The following C4orf50 variants were observed in gnomAD, a reference collection of about 807,000 sequenced individuals.
The protein encoded by C4orf50 is chromosome 4 open reading frame 50, also known as uncharacterized protein C4orf50.
Under a neutral mutation model 77.2 loss-of-function variants are expected in C4orf50, and 80 were observed. The observed-to-expected ratio is 1.04, with a 90% CI of 0.87 to 1.25. The LOEUF (loss-of-function observed/expected upper bound fraction) is 1.25. C4orf50 is among the 50% of genes most tolerant of loss of function. C4orf50 has a pLI of 0.00. For synonymous variants in C4orf50, 532 were observed against 465.3 expected (o/e 1.14, Z -1.84); for missense variants, 1,257 against 1,152.9 (o/e 1.09, Z -1.31).
At chr4:5,976,680 T>C (rs1268429267) in intron 29 of C4orf50, among the ~76,000 whole-genome samples, 1 of 152,216 alleles carries the variant, frequency 6.6e-6, no homozygotes, top group East Asian at 1.9e-4. Flanking sequence ...TCTTCTCATC[T>C]GTGAAGGGGG....
Position 5,970,317 on chromosome 4 carries a change from G to C in C4orf50, c.4105-2855C>G, listed in dbSNP as rs531584445. ...AATCCGAGAACAGCCTTCCCTGAGG[G>C]ACCATCTCCAGCTAACATCAGGGAG... On this transcript the variant is annotated intron_variant, in intron 31 of 33. Transcript: ENST00000531445. This position sits in a 1 kb window ranked among gnomAD's most constrained non-coding sequence, Gnocchi z 4.3. Among the ~76,000 whole-genome samples, 3 of 152,204 alleles carry C rather than the reference G, an allele frequency of 2.0e-5. No individual in the cohort carries two copies. The South Asian group carries it at 6.2e-4, about 32-fold the overall frequency.
chr4:5,934,760 T>A (rs1161881076), intron 7 of C4orf50, among the ~76,000 whole-genome samples: 2 of 152,160 alleles, frequency 1.3e-5, no homozygotes, highest in African/African-American at 4.8e-5. Flanking sequence ...GCAACAACAA[T>A]AATGATGGCA....
chr4:6,018,494 T>C lies in C4orf50; in HGVS notation c.-63A>G. Reference sequence around the variant, plus strand: ...ATTAAGTGAGTTTGCAACATTGACTTCCCGGAGATTTCAAGGTGGTGTTTG... The same window carrying C: ...ATTAAGTGAGTTTGCAACATTGACTCCCCGGAGATTTCAAGGTGGTGTTTG... On this transcript the variant is annotated 5_prime_UTR_variant, in exon 23 of 34. Coordinates refer to ENST00000531445, the Ensembl canonical transcript of C4orf50. The surrounding 1 kb of genome is among the most constrained non-coding windows in gnomAD (Gnocchi z 5.1). The C allele has an allele frequency of 2.5e-6, 1 of 398,586 alleles. No homozygotes were observed. 24.7% of individuals were successfully genotyped at this position (398,586 alleles called of 1,614,324 possible). A position where few individuals can be genotyped will look rare whatever the true frequency, so the allele number is the denominator to read the frequency against.
intron 28 of C4orf50, 90 bp from the exon 7 acceptor site, chr4:5,980,428 G>A (rs531845081): frequency 1.5e-4 from 178 of 1,201,468 alleles, no homozygotes; most frequent in South Asian, 5.3e-4. Flanking sequence ...TCCCCACTCC[G>A]TAGTTTTTTT....
chr4:6,004,757 G>T (rs1319658642), intron 25 of C4orf50, among the ~76,000 whole-genome samples: 1 of 150,728 alleles, frequency 6.6e-6, no homozygotes, highest in Admixed American at 6.6e-5. Context: ...TGATGGTGAT[G>T]GTGATGACAG....
rs1461812678 is a variant in C4orf50 at position 5,905,572 on chromosome 4, T to C, written c.*2475-7384A>G. 1 of 152,164 alleles carries C rather than the reference T, an allele frequency of 6.6e-6. No homozygotes were observed. Among genetic ancestry groups the C allele is most frequent in the Non-Finnish European group, 1.5e-5 (1 of 68,036 alleles). 9.4% of individuals were successfully genotyped at this position (152,164 alleles called of 1,614,324 possible). A position where few individuals can be genotyped will look rare whatever the true frequency, so the allele number is the denominator to read the frequency against. On this transcript the variant is annotated intron_variant, in intron 7 of 7. Coordinates refer to the C4orf50 transcript ENST00000324058. The surrounding 1 kb of genome is among the most constrained non-coding windows in gnomAD (Gnocchi z 5.4). ...ACTGGGAGACCCACTTTAAACACCA[T>C]ATGTGGTGGACTTATATCATGGAGT...
At chr4:5,898,779 A>G (rs1716230020) in intron 7 of C4orf50, 1 of 152,196 alleles carries the variant, frequency 6.6e-6, no homozygotes, top group Non-Finnish European at 1.5e-5. Context: ...TTGTTCTATC[A>G]TCACATAAAG....
At chr4:5,999,988 C>A (rs1721759204) in intron 25 of C4orf50, among the ~76,000 whole-genome samples, 1 of 152,144 alleles carries the variant, frequency 6.6e-6, no homozygotes, top group Non-Finnish European at 1.5e-5. Context: ...CTTGAAGGAG[C>A]AGAACACCGG....
At position 5,905,382 on chromosome 4, in the gene C4orf50, G is replaced by A. The variant is rs1350588033; in HGVS notation, c.*2475-7194C>T. On this transcript the variant is annotated intron_variant, in intron 7 of 7. Coordinates refer to the C4orf50 transcript ENST00000324058. The surrounding 1 kb of genome is among the most constrained non-coding windows in gnomAD (Gnocchi z 5.4). The stretch of plus-strand genomic sequence containing the variant: ...GTAAATCATAGGCCACCTCTGCTCT[G>A]TCGGTCAGTTGAGAAGGATGTAAAT... 3.3e-5 allele frequency: 5 copies of A among 152,252 alleles called. No individual in the cohort carries two copies. The highest frequency in any genetic ancestry group is 3.3e-4 in the Admixed American group (5 of 15,284). 9.4% of individuals were successfully genotyped at this position (152,252 alleles called of 1,614,324 possible).
chr4:5,989,103 C>G, exon 28 of C4orf50: 10 of 1,536,126 alleles, frequency 6.5e-6, no homozygotes, highest in Non-Finnish European at 8.7e-6. Context: ...CCCCTACCAG[C>G]CTGTGGTTAT....
At chr4:5,936,965 C>G (rs994863573) in intron 7 of C4orf50, among the ~76,000 whole-genome samples, 1 of 151,610 alleles carries the variant, frequency 6.6e-6, no homozygotes, top group Non-Finnish European at 1.5e-5. Context: ...CATTGTCATA[C>G]CACCAAGAAG....
At chr4:5,921,188 GGCGGGGATGT>G (rs1392531433) in intron 7 of C4orf50, among the ~76,000 whole-genome samples, 3 of 152,212 alleles carry the variant, frequency 2.0e-5, no homozygotes, top group Non-Finnish European at 4.4e-5. Context: ...ACAGGTGTCC[GGCGGGGATGT>G]GCGGTTGCCT....
intron 7 of C4orf50, among the ~76,000 whole-genome samples, chr4:5,924,181 G>T (rs1344330463): frequency 6.6e-6 from 1 of 152,088 alleles, no homozygotes; most frequent in Non-Finnish European, 1.5e-5. Context: ...CCTATTGTGG[G>T]TCTTCACCTT....
At chr4:5,956,345 T>C (rs1425944974), downstream of C4orf50, among the ~76,000 whole-genome samples, 1 of 152,148 alleles carries the variant, frequency 6.6e-6, no homozygotes, top group Non-Finnish European at 1.5e-5. Flanking sequence ...CAGGAAGCCC[T>C]CCCTGACTGC....
Position 6,015,199 on chromosome 4 carries a change from A to G in C4orf50, c.287+2946T>C, listed in dbSNP as rs1379292935. ...TGAAGGCCTAACCCCCAAGTTCCTT[A>G]GAATGTGATTATATTTGGAGATAAG... On this transcript the variant is annotated intron_variant, in intron 23 of 33. Transcript: ENST00000531445. This position sits in a 1 kb window ranked among gnomAD's most constrained non-coding sequence, Gnocchi z 4.4. 6.6e-6 allele frequency among the ~76,000 whole-genome samples: 1 copy of G among 152,184 alleles called. No homozygotes were observed. The highest frequency in any genetic ancestry group is 1.5e-5 in the Non-Finnish European group (1 of 68,038).
intron 27 of C4orf50, 22 bp from the exon 6 acceptor site, chr4:5,990,846 G>A (rs1474818718): frequency 2.5e-6 from 1 of 399,020 alleles, no homozygotes; most frequent in East Asian, 3.6e-5. Flanking sequence ...GAGAGAAGAT[G>A]AGGTGTGAAA....
exon 28 of C4orf50, chr4:5,990,653 G>C (rs76304861): frequency 9.2e-4 from 369 of 399,254 alleles, no homozygotes; most frequent in African/African-American, 7.0e-3. Flanking sequence ...CAGAGAGGGA[G>C]TGCGGATGTC....
intron 32 of C4orf50, among the ~76,000 whole-genome samples, chr4:5,966,671 T>C (rs1719587520): frequency 6.6e-6 from 1 of 151,624 alleles, no homozygotes. Flanking sequence ...TTTTTTTTTT[T>C]TCGGAGTCTT....
intron 7 of C4orf50, among the ~76,000 whole-genome samples, chr4:5,931,087 C>T (rs752857435): frequency 2.6e-5 from 4 of 152,154 alleles, no homozygotes; most frequent in East Asian, 1.9e-4. Flanking sequence ...AGCCATGTCC[C>T]GGATCCTGCA....
Sources: allele counts gnomAD v4.1 joint callset (sites outside exome capture counted in the v4.1 genomes callset), GRCh38; gene constraint gnomAD v4.1.1; non-coding constraint Gnocchi (gnomAD v3.1); transcripts MANE v1.5; gene names NCBI Gene and HGNC (gene_info 2026-07-23, HGNC 2026-07-21).